MECOM: variants seen among roughly 807,000 people sequenced by gnomAD.
MECOM encodes MDS1 and EVI1 complex locus.
Under a neutral mutation model 116.3 loss-of-function variants are expected in MECOM, and 13 were observed. The ratio of observed to expected loss-of-function variants is 0.11; its 90% CI spans 0.07 to 0.18. MECOM has a LOEUF of 0.18. Among genes scored for constraint, MECOM ranks in the 10% least tolerant of loss-of-function variants. MECOM has a pLI of 1.00. For synonymous variants in MECOM, 528 were observed against 535.2 expected (o/e 0.99, Z 0.19); for missense variants, 1,299 against 1,509.0 (o/e 0.86, Z 2.31).
At chr3:169,337,555 C>T (rs930799937) in intron 2 of MECOM, among the ~76,000 whole-genome samples, 3 of 152,140 alleles carry the variant, frequency 2.0e-5, no homozygotes, top group Non-Finnish European at 4.4e-5. Context: ...GTCATTGTTG[C>T]CTGGGAATGA....
rs564040806 is a variant in MECOM at position 169,199,073 on chromosome 3, CATTT to C, written c.376-55245_376-55242del. On this transcript the variant is annotated intron_variant, in intron 2 of 16. Transcript: ENST00000651503. Reference sequence around the variant, plus strand: ...TGTCCCCAATGTCACCTCTACTGGCCATTTATTTGTCAATTTAAAACTGATATTT... The same window carrying C: ...TGTCCCCAATGTCACCTCTACTGGCCATTTGTCAATTTAAAACTGATATTT... 5.3e-4 allele frequency among the ~76,000 whole-genome samples: 80 copies of C among 152,144 alleles called. No individual in the cohort carries two copies. In the South Asian group the frequency reaches 0.013, roughly 24 times the overall value.
intron 1 of MECOM, among the ~76,000 whole-genome samples, chr3:169,662,078 C>T (rs576184242): frequency 6.6e-6 from 1 of 152,214 alleles, no homozygotes; most frequent in Non-Finnish European, 1.5e-5. Context: ...ACAGTCCTGG[C>T]GGAGCATCAC....
At position 169,482,422 on chromosome 3, in the gene MECOM, T is replaced by A. The variant is rs561656262; in HGVS notation, c.38-100898A>T. On this transcript the variant is annotated intron_variant, in intron 1 of 16. Coordinates refer to ENST00000651503, the MANE Select transcript of MECOM (RefSeq NM_004991.4). ...TCCGGGCTCACTGTAAGCTCCACCT[T>A]CCGGGTTCAAGCCATTCTCCTGCCT... is the stretch of plus-strand genomic sequence containing the variant. Among the ~76,000 whole-genome samples, 6 of 149,494 alleles carry A rather than the reference T, an allele frequency of 4.0e-5. No homozygotes were observed. In the East Asian group the frequency reaches 1.2e-3, roughly 30 times the overall value.
rs967488467 is a variant in MECOM, at chr3:169,128,906, C to A, written c.614-846G>T. ...AATAGCTTTCAGCCCACTCATAAAG[C>A]CACACTCCGCACAGATCACACAGAT... On this transcript the variant is annotated intron_variant, in intron 4 of 16. Transcript: ENST00000651503. 2.0e-5 allele frequency among the ~76,000 whole-genome samples: 3 copies of A among 152,130 alleles called. No individual in the cohort carries two copies. In the South Asian group the frequency reaches 6.2e-4, roughly 32 times the overall value.
chr3:169,308,301 A>G (rs989028852), intron 2 of MECOM, among the ~76,000 whole-genome samples: 10 of 152,230 alleles, frequency 6.6e-5, no homozygotes, highest in Non-Finnish European at 1.5e-4. Context: ...AACACTATCT[A>G]TGTAAACATT....
chr3:169,249,046 C>G (rs1304895119), intron 2 of MECOM, among the ~76,000 whole-genome samples: 1 of 152,186 alleles, frequency 6.6e-6, no homozygotes, highest in East Asian at 1.9e-4. Flanking sequence ...GCCCTACCTT[C>G]CAGCATACTC....
chr3:169,096,952 T>C (rs1168610217), intron 12 of MECOM, among the ~76,000 whole-genome samples: 1 of 105,326 alleles, frequency 9.5e-6, no homozygotes, highest in Non-Finnish European at 1.9e-5. Flanking sequence ...GTAGTTGTAA[T>C]ATTTTAGCCC....
At chr3:169,591,637 C>T (rs748878569) in intron 1 of MECOM, among the ~76,000 whole-genome samples, 7 of 152,120 alleles carry the variant, frequency 4.6e-5, no homozygotes, top group South Asian at 2.1e-4. Flanking sequence ...GCCATTAACC[C>T]GTGCTAATCA....
intron 1 of MECOM, among the ~76,000 whole-genome samples, chr3:169,402,257 G>A (rs988670923): frequency 6.6e-6 from 1 of 152,164 alleles, no homozygotes; most frequent in Non-Finnish European, 1.5e-5. Flanking sequence ...TATGGGGGCT[G>A]AGGACACAGA....
At chr3:169,145,286 T>C in intron 2 of MECOM, 1 of 409,130 alleles carries the variant, frequency 2.4e-6, no homozygotes, top group Non-Finnish European at 4.3e-6. Flanking sequence ...GAGGACAAAT[T>C]CTAAAAATTT....
At chr3:169,324,028 A>G (rs1721369860) in intron 2 of MECOM, among the ~76,000 whole-genome samples, 1 of 152,194 alleles carries the variant, frequency 6.6e-6, no homozygotes, top group African/African-American at 2.4e-5. Flanking sequence ...CCAAAAGGAC[A>G]CAGGGAAGTA....
chr3:169,149,077 CTTTT>C (rs60870748), intron 2 of MECOM, among the ~76,000 whole-genome samples: 1 of 115,116 alleles, frequency 8.7e-6, no homozygotes, highest in African/African-American at 3.1e-5. Context: ...TCGGAGCTTT[CTTTT>C]TTTTTTTTTT....
chr3:169,175,259 T>C (rs1264876634), intron 2 of MECOM, among the ~76,000 whole-genome samples: 1 of 152,136 alleles, frequency 6.6e-6, no homozygotes, highest in African/African-American at 2.4e-5. Flanking sequence ...AGTTGAGCAT[T>C]CCTAATCCAA....
chr3:169,321,343 C>T (rs528550161), intron 2 of MECOM, among the ~76,000 whole-genome samples: 4 of 152,098 alleles, frequency 2.6e-5, no homozygotes, highest in Non-Finnish European at 5.9e-5. Flanking sequence ...AGATTGAGAC[C>T]ATCCTGGCTA....
intron 1 of MECOM, among the ~76,000 whole-genome samples, chr3:169,417,433 G>A (rs1435221361): frequency 6.6e-6 from 1 of 152,164 alleles, no homozygotes; most frequent in Non-Finnish European, 1.5e-5. Flanking sequence ...ACTTAGAATG[G>A]CAATCATTAA....
At position 169,379,832 on chromosome 3, in the gene MECOM, G is replaced by A. The variant is rs187810351; in HGVS notation, c.375+1355C>T. On this transcript the variant is annotated intron_variant, in intron 2 of 16. Coordinates refer to ENST00000651503, the MANE Select transcript of MECOM (RefSeq NM_004991.4). ...GGTGAACAATAATGACGTAAAGTTCGTACGCATTTGGTTTAAAACGTATTC... is the reference window on the plus strand; with the variant it reads ...GGTGAACAATAATGACGTAAAGTTCATACGCATTTGGTTTAAAACGTATTC... Among the ~76,000 whole-genome samples the A allele has an allele frequency of 1.6e-3, 246 of 152,158 alleles. 1 individual carries two copies. Among genetic ancestry groups the A allele is most frequent in the African/African-American group, 5.6e-3 (231 of 41,532 alleles).
chr3:169,449,675 G>A (rs1449176985), intron 1 of MECOM, among the ~76,000 whole-genome samples: 3 of 152,062 alleles, frequency 2.0e-5, no homozygotes, highest in Non-Finnish European at 4.4e-5. Flanking sequence ...GTGAGGTGGC[G>A]GTAAGCTATG....
intron 1 of MECOM, among the ~76,000 whole-genome samples, chr3:169,628,954 A>G (rs1560511133): frequency 6.6e-6 from 1 of 152,102 alleles, no homozygotes; most frequent in Admixed American, 6.5e-5. Flanking sequence ...ATCCTACACC[A>G]GGCAAACTTT....
intron 2 of MECOM, among the ~76,000 whole-genome samples, chr3:169,193,803 A>G (rs977972771): frequency 2.6e-5 from 4 of 152,144 alleles, no homozygotes; most frequent in Admixed American, 6.6e-5. Flanking sequence ...ATAGCTATAT[A>G]AAACTATGGT....
Sources: gnomAD v4.1 joint callset for allele counts (sites outside exome capture counted in the v4.1 genomes callset) on GRCh38, gnomAD v4.1.1 for gene constraint, MANE v1.5 for transcripts, NCBI Gene and HGNC (gene_info 2026-07-23, HGNC 2026-07-21) for gene names.